The following COL22A1 variants were observed in gnomAD, a reference collection of about 807,000 sequenced individuals.
COL22A1 encodes collagen alpha-1(XXII) chain.
Under a neutral mutation model 248.9 loss-of-function variants are expected in COL22A1, and 221 were observed. The observed-to-expected ratio is 0.89, with a 90% CI of 0.80 to 0.99. The LOEUF (loss-of-function observed/expected upper bound fraction) is 0.99, where lower values mean the gene tolerates loss of function less well. COL22A1 is among the 50% of genes least tolerant of loss of function. The pLI is 0.00. For missense variants in COL22A1, 2,240 were observed against 2,179.0 expected, an observed-to-expected ratio of 1.03 and a Z score of -0.56; for synonymous variants, 891 against 793.4, an observed-to-expected ratio of 1.12 and a Z score of -2.07.
intron 30 of COL22A1, among the ~76,000 whole-genome samples, chr8:138,706,170 TC>T: frequency 6.6e-6 from 1 of 152,170 alleles, no homozygotes; most frequent in East Asian, 1.9e-4. Context: ...AGACTTAGAC[TC>T]CCACACAATA....
At chr8:138,766,841 C>A (rs1160445376) in intron 16 of COL22A1, among the ~76,000 whole-genome samples, 1 of 152,238 alleles carries the variant, frequency 6.6e-6, no homozygotes, top group Middle Eastern at 3.2e-3. Flanking sequence ...CACTAGGGCA[C>A]CCATGCCCCC....
chr8:138,765,751 G>A (rs1303083524), intron 16 of COL22A1, among the ~76,000 whole-genome samples: 2 of 152,224 alleles, frequency 1.3e-5, no homozygotes, highest in Admixed American at 6.5e-5. Flanking sequence ...ACGGCGGGGA[G>A]GCAGGACCCA....
chr8:138,756,531 T>C (rs1214956070), intron 18 of COL22A1, among the ~76,000 whole-genome samples: 1 of 152,170 alleles, frequency 6.6e-6, no homozygotes, highest in African/African-American at 2.4e-5. Flanking sequence ...GCAAGGAAAA[T>C]ACATATAGTC....
chr8:138,652,337 CAATT>C (rs1822810805), intron 45 of COL22A1, among the ~76,000 whole-genome samples: 3 of 152,306 alleles, frequency 2.0e-5, no homozygotes, highest in South Asian at 4.1e-4. Context: ...ATAAATGAGA[CAATT>C]AATGGAAAAT....
At chr8:138,888,264 C>T (rs1440372368) in intron 1 of COL22A1, among the ~76,000 whole-genome samples, 1 of 152,122 alleles carries the variant, frequency 6.6e-6, no homozygotes, top group African/African-American at 2.4e-5. Context: ...CAAGTGAGTG[C>T]TGGTAGAAGG....
At chr8:138,713,710 A>ACC (rs367727991) in intron 30 of COL22A1, among the ~76,000 whole-genome samples, 1,790 of 41,808 alleles carry the variant, frequency 0.043, 32 homozygotes, top group African/African-American at 0.1. Flanking sequence ...CTATGAGTCC[A>ACC]CCCCCACCGC....
At chr8:138,684,260 A>G (rs1250574286) in intron 39 of COL22A1, among the ~76,000 whole-genome samples, 165 bp downstream of exon 39, 2 of 37,820 alleles carry the variant, frequency 5.3e-5, no homozygotes, top group Non-Finnish European at 1.0e-4. Context: ...TAAGATTTCG[A>G]AAAAAAAAAA....
chr8:138,762,383 C>G (rs984128803), intron 17 of COL22A1, 30 bp downstream of exon 17: 2 of 1,611,812 alleles, frequency 1.2e-6, no homozygotes, highest in Non-Finnish European at 1.7e-6. Context: ...GCTGATGAAA[C>G]CTAGCCCAAC....
intron 60 of COL22A1, among the ~76,000 whole-genome samples, chr8:138,601,662 C>T (rs1336011089): frequency 2.0e-5 from 3 of 152,094 alleles, no homozygotes; most frequent in African/African-American, 4.8e-5. Context: ...TAAAGAAAGG[C>T]TTTCTGAGTA....
intron 31 of COL22A1, among the ~76,000 whole-genome samples, chr8:138,702,806 G>A (rs1026526930): frequency 1.3e-5 from 2 of 152,068 alleles, no homozygotes; most frequent in African/African-American, 2.4e-5. Flanking sequence ...TCTAACAGAC[G>A]AGAAAACTGA....
chr8:138,727,213 G>T (rs1725419446), intron 23 of COL22A1, among the ~76,000 whole-genome samples: 1 of 152,094 alleles, frequency 6.6e-6, no homozygotes, highest in South Asian at 2.1e-4. Flanking sequence ...CGTCCAGAAG[G>T]TGCAGATGAC....
chr8:138,706,884 C>T (rs1828505974), intron 30 of COL22A1, among the ~76,000 whole-genome samples: 1 of 152,060 alleles, frequency 6.6e-6, no homozygotes. Context: ...AATTGATAGA[C>T]CACTAGCAAG....
chr8:138,851,428 G>C (rs1017780876), intron 3 of COL22A1, among the ~76,000 whole-genome samples: 6 of 152,198 alleles, frequency 3.9e-5, no homozygotes, highest in Admixed American at 1.3e-4. Flanking sequence ...GGAATTCAGA[G>C]CAATGGAGAG....
intron 39 of COL22A1, among the ~76,000 whole-genome samples, chr8:138,681,331 C>G (rs566264300): frequency 6.6e-6 from 1 of 152,080 alleles, no homozygotes; most frequent in African/African-American, 2.4e-5. Flanking sequence ...ACACTCTGAG[C>G]CTACCCATCA....
At chr8:138,743,174 G>A (rs1005257811) in intron 22 of COL22A1, among the ~76,000 whole-genome samples, 5 of 150,360 alleles carry the variant, frequency 3.3e-5, no homozygotes, top group African/African-American at 9.8e-5. Context: ...GATCACGATG[G>A]TGATGGTGGA....
Position 138,901,369 on chromosome 8 carries a change from GT to G in COL22A1, c.-73+12249del, listed in dbSNP as rs1396582556. 2.1e-3 allele frequency among the ~76,000 whole-genome samples: 244 copies of G among 118,746 alleles called. 1 individual carries two copies. Among genetic ancestry groups the G allele is most frequent in the African/African-American group, 7.2e-3 (233 of 32,420 alleles). 77.9% of individuals were successfully genotyped at this position (118,746 alleles called of 152,430 possible). ...CTCATTACTGGCAGGTTTTTTTTTT[GT>G]TTTTTTTTTTTTTTGAGACAGTCTC... On this transcript the variant is annotated intron_variant, in intron 1 of 64. Transcript: ENST00000303045.
rs547721814 is a variant in COL22A1 at position 138,700,099 on chromosome 8, C to A, written c.2592+13G>T. ...AGGCACACTGGGCACCCCGAGGCAC[C>A]GCTACTACTTACGGGCATCCGTGGA... On this transcript the variant is annotated intron_variant, in intron 32 of 64. Coordinates refer to ENST00000303045, the MANE Select transcript of COL22A1 (RefSeq NM_152888.3). 6.2e-7 allele frequency: 1 copy of A among 1,612,826 alleles called. No individual in the cohort carries two copies. Among genetic ancestry groups the A allele is most frequent in the East Asian group, 2.2e-5 (1 of 44,832 alleles).
intron 49 of COL22A1, 78 bp downstream of exon 49, chr8:138,634,932 C>T (rs1338552030): frequency 2.0e-6 from 2 of 976,134 alleles, no homozygotes; most frequent in East Asian, 4.8e-5. Context: ...TGCTCAGTGT[C>T]ATACCATGCC....
intron 31 of COL22A1, among the ~76,000 whole-genome samples, 170 bp from the exon 32 acceptor site, chr8:138,700,314 C>T (rs1328752058): frequency 6.6e-6 from 1 of 152,198 alleles, no homozygotes; most frequent in Non-Finnish European, 1.5e-5. Flanking sequence ...AAATCCCTGG[C>T]TATTTATTTA....
Sources: gnomAD v4.1 joint callset for allele counts (sites outside exome capture counted in the v4.1 genomes callset) on GRCh38, gnomAD v4.1.1 for gene constraint, MANE v1.5 for transcripts, NCBI Gene and HGNC (gene_info 2026-07-23, HGNC 2026-07-21) for gene names.